The following MAPK10 variants were observed in gnomAD, a reference collection of about 807,000 sequenced individuals.
MAPK10 encodes the protein JNK3 alpha protein kinase.
In MAPK10, 25 loss-of-function variants were observed where a neutral mutation model predicts 59.3. That is an observed-to-expected ratio of 0.42 (90% CI 0.31 to 0.59). The LOEUF (loss-of-function observed/expected upper bound fraction) is 0.59. Ranked by LOEUF, MAPK10 falls within the 20% of genes least tolerant of loss-of-function variation. MAPK10 has a pLI of 0.15. For synonymous variants in MAPK10, 190 were observed against 200.5 expected (o/e 0.95, Z 0.44); for missense variants, 351 against 568.9 (o/e 0.62, Z 3.90).
chr4:86,085,969 GA>G (rs1310787858), intron 9 of MAPK10, among the ~76,000 whole-genome samples: 1 of 152,122 alleles, frequency 6.6e-6, no homozygotes, highest in African/African-American at 2.4e-5. Context: ...TGAACAATGA[GA>G]ACACATGGAC....
intron 2 of MAPK10, among the ~76,000 whole-genome samples, chr4:86,197,804 T>C (rs973415627): frequency 2.6e-5 from 4 of 152,132 alleles, no homozygotes; most frequent in African/African-American, 4.8e-5. Context: ...GAAGAACAAG[T>C]GGCTGTTTGC....
intron 2 of MAPK10, among the ~76,000 whole-genome samples, chr4:86,223,247 C>T (rs979351581): frequency 3.9e-5 from 6 of 152,144 alleles, no homozygotes; most frequent in Admixed American, 6.5e-5. Context: ...CTAGAATCTG[C>T]CCAAATTTGC....
At chr4:86,103,105 G>GTGTGTGTC in intron 6 of MAPK10, 81 bp downstream of exon 6, 1 of 793,960 alleles carries the variant, frequency 1.3e-6, no homozygotes, top group Non-Finnish European at 2.2e-6. Context: ...GTGTGTGTGT[G>GTGTGTGTC]TGTGTGTGTG....
intron 1 of MAPK10, among the ~76,000 whole-genome samples, chr4:86,386,477 C>T (rs1423339111): frequency 1.3e-5 from 2 of 152,130 alleles, no homozygotes; most frequent in African/African-American, 2.4e-5. Context: ...CTTCCTAATT[C>T]TGAGAGTTGG....
intron 4 of MAPK10, among the ~76,000 whole-genome samples, chr4:86,112,189 A>G (rs1476599202): frequency 1.4e-5 from 2 of 147,972 alleles, no homozygotes; most frequent in Non-Finnish European, 3.0e-5. Context: ...ATTTTTGTGA[A>G]GGATTTTTCG....
intron 3 of MAPK10, among the ~76,000 whole-genome samples, chr4:86,172,988 G>A (rs970446012): frequency 4.6e-5 from 7 of 151,596 alleles, no homozygotes; most frequent in African/African-American, 1.7e-4. Flanking sequence ...AAATGGAAAA[G>A]TATTCCATCC....
chr4:86,087,568 G>T (rs2052159930), intron 9 of MAPK10, among the ~76,000 whole-genome samples: 1 of 151,944 alleles, frequency 6.6e-6, no homozygotes, highest in African/African-American at 2.4e-5. Context: ...TGTATATTTA[G>T]AAGACAAAAC....
At chr4:86,166,765 C>T (rs755883444) in intron 3 of MAPK10, among the ~76,000 whole-genome samples, 5 of 152,134 alleles carry the variant, frequency 3.3e-5, no homozygotes, top group Non-Finnish European at 5.9e-5. Context: ...GAAATGCCAG[C>T]TGTCACCTAA....
upstream of MAPK10, among the ~76,000 whole-genome samples, chr4:86,362,618 G>C (rs1737188551): frequency 6.6e-6 from 1 of 152,004 alleles, no homozygotes; most frequent in Non-Finnish European, 1.5e-5. Context: ...AAACAATTTT[G>C]TTTAATGGGC....
At chr4:86,566,076 C>T (rs1030692673) in intron 1 of MAPK10, among the ~76,000 whole-genome samples, 2 of 152,162 alleles carry the variant, frequency 1.3e-5, no homozygotes, top group Non-Finnish European at 2.9e-5. Flanking sequence ...AAGATTTGCA[C>T]ATATTAACAT....
At chr4:86,321,137 G>A (rs1358581909) in intron 2 of MAPK10, among the ~76,000 whole-genome samples, 1 of 151,808 alleles carries the variant, frequency 6.6e-6, no homozygotes, top group Admixed American at 6.6e-5. Flanking sequence ...ACTGTTGGTG[G>A]GACTGTAAAC....
intron 1 of MAPK10, among the ~76,000 whole-genome samples, chr4:86,567,188 A>G (rs553083338): frequency 2.0e-5 from 3 of 152,288 alleles, no homozygotes; most frequent in African/African-American, 7.2e-5. Context: ...ATAATTTTTC[A>G]TACTTGAAAA....
At chr4:86,280,722 G>T (rs536957846) in intron 2 of MAPK10, among the ~76,000 whole-genome samples, 1 of 152,084 alleles carries the variant, frequency 6.6e-6, no homozygotes, top group Non-Finnish European at 1.5e-5. Flanking sequence ...ACTGGCTAAA[G>T]AAAATGTGGC....
chr4:86,300,601 A>C (rs2095450954), intron 2 of MAPK10: 3 of 152,230 alleles, frequency 2.0e-5, no homozygotes. Context: ...GTTGTAGAAC[A>C]ATACAAAATA....
intron 13 of MAPK10, among the ~76,000 whole-genome samples, chr4:86,023,269 C>G (rs567418299): frequency 6.6e-6 from 1 of 152,294 alleles, no homozygotes; most frequent in East Asian, 1.9e-4. Context: ...TTCCTGGACT[C>G]TCAATTTGAT....
At position 86,246,853 on chromosome 4, in the gene MAPK10, C is replaced by T. The variant is rs938887866; in HGVS notation, c.-6-52446G>A. The stretch of plus-strand genomic sequence containing the variant: ...GGCATAGGAAGTTAATTCCCTACAA[C>T]TTCAGGAGGGTCTCTTGATTAGTAG... On this transcript the variant is annotated intron_variant, in intron 2 of 13. Transcript: ENST00000641462. 2.2e-4 allele frequency among the ~76,000 whole-genome samples: 33 copies of T among 152,198 alleles called. 1 individual carries two copies. The highest frequency in any genetic ancestry group is 5.9e-5 in the Non-Finnish European group (4 of 68,028).
intron 2 of MAPK10, among the ~76,000 whole-genome samples, chr4:86,241,093 G>A (rs1432151763): frequency 6.6e-6 from 1 of 152,144 alleles, no homozygotes; most frequent in Non-Finnish European, 1.5e-5. Context: ...CATTGCATAT[G>A]AAGCTTAGTT....
chr4:86,441,211 A>T (rs1749385034), intron 1 of MAPK10, among the ~76,000 whole-genome samples: 1 of 152,206 alleles, frequency 6.6e-6, no homozygotes, highest in Admixed American at 6.5e-5. Flanking sequence ...TGTGTGTGTG[A>T]CTGTCTTGTT....
At chr4:86,311,129 A>T (rs113659328) in intron 2 of MAPK10, among the ~76,000 whole-genome samples, 3 of 151,996 alleles carry the variant, frequency 2.0e-5, no homozygotes, top group Admixed American at 6.6e-5. Flanking sequence ...AAAAACAAAC[A>T]TCTAAGCTAA....
Sources: gnomAD v4.1 joint callset for allele counts (sites outside exome capture counted in the v4.1 genomes callset) on GRCh38, gnomAD v4.1.1 for gene constraint, MANE v1.5 for transcripts, NCBI Gene and HGNC (gene_info 2026-07-23, HGNC 2026-07-21) for gene names.